The following PTBP3 variants were observed in gnomAD, a reference collection of about 807,000 sequenced individuals.
The protein encoded by PTBP3 is polypyrimidine tract-binding protein 3.
PTBP3 carries 20 observed loss-of-function variants against 58.7 expected under a neutral mutation model. The observed-to-expected ratio is 0.34, with a 90% CI of 0.24 to 0.50. The LOEUF is 0.50. PTBP3 is among the 20% of genes least tolerant of loss of function. The pLI, the probability that PTBP3 is intolerant of heterozygous loss-of-function variation, is 0.98. For missense variants in PTBP3, 509 were observed against 637.2 expected (o/e 0.80, Z 2.17); for synonymous variants, 185 against 219.8 (o/e 0.84, Z 1.40).
the PTBP3 span, among the ~76,000 whole-genome samples, chr9:112,360,396 G>A: frequency 6.6e-6 from 1 of 152,074 alleles, no homozygotes; most frequent in Non-Finnish European, 1.5e-5. Context: ...CTGTTGCCCA[G>A]GCTGGTCTCA....
upstream of PTBP3, among the ~76,000 whole-genome samples, chr9:112,334,476 TATATA>T (rs1337042406): frequency 2.6e-5 from 4 of 152,292 alleles, no homozygotes; most frequent in South Asian, 2.1e-4. Flanking sequence ...AAAAAGTATA[TATATA>T]ATATAACGAG....
Position 112,220,392 on chromosome 9 carries a change from A to G in PTBP3, c.*3459T>C. ...GAGACCCCTAAAAATAAAATAAAGTAAAATAAAAAGAAATTGAGCAGAGGC... is the reference window on the plus strand; with the variant it reads ...GAGACCCCTAAAAATAAAATAAAGTGAAATAAAAAGAAATTGAGCAGAGGC... On this transcript the variant is annotated 3_prime_UTR_variant, in exon 14 of 14. Coordinates refer to ENST00000374257, the MANE Select transcript of PTBP3 (RefSeq NM_001163788.4). 3 of 1,223,416 alleles carry G rather than the reference A, an allele frequency of 2.5e-6. No individual in the cohort carries two copies. In the South Asian group the frequency reaches 4.3e-5, roughly 18 times the overall value. The allele number at this position is 1,223,416 out of a possible 1,614,324, so 75.8% of individuals were successfully genotyped here. A position where few individuals can be genotyped will look rare whatever the true frequency, so the allele number is the denominator to read the frequency against.
intron 12 of PTBP3, among the ~76,000 whole-genome samples, chr9:112,225,479 G>A (rs951738475): frequency 6.6e-6 from 1 of 152,158 alleles, no homozygotes; most frequent in African/African-American, 2.4e-5. Context: ...TTCTACAGAT[G>A]GACAGAGGTG....
At position 112,280,761 on chromosome 9, in the gene PTBP3, GTGTGTA is replaced by G. The variant is rs796125018; in HGVS notation, c.35-4754_35-4749del. ...TCACTCTTCATACGTGTGTGTCTGTGTGTGTATGTGTGTGTGTGTGTGTGCATATAT... is the reference window on the plus strand; with the variant it reads ...TCACTCTTCATACGTGTGTGTCTGTGTGTGTGTGTGTGTGTGTGCATATAT... On this transcript the variant is annotated intron_variant, in intron 2 of 13. Transcript: ENST00000374257. Among the ~76,000 whole-genome samples the G allele has an allele frequency of 2.3e-4, 10 of 44,120 alleles. No homozygotes were observed. In the East Asian group the frequency reaches 4.1e-3, roughly 18 times the overall value. 28.9% of individuals were successfully genotyped at this position (44,120 alleles called of 152,430 possible).
At chr9:112,332,135 T>C (rs1205246444) in intron 1 of PTBP3, among the ~76,000 whole-genome samples, 1 of 151,472 alleles carries the variant, frequency 6.6e-6, no homozygotes, top group Non-Finnish European at 1.5e-5. Context: ...CAGCTTCAAT[T>C]CCCCCCCAAA....
upstream of PTBP3, chr9:112,333,640 G>A (rs1488804435): frequency 2.8e-6 from 2 of 712,106 alleles, no homozygotes; most frequent in East Asian, 3.4e-5. Flanking sequence ...GCGGGGACCG[G>A]GCACGCTCCC....
At chr9:112,330,707 T>G (rs1360311982) in intron 1 of PTBP3, among the ~76,000 whole-genome samples, 1 of 152,190 alleles carries the variant, frequency 6.6e-6, no homozygotes, top group Non-Finnish European at 1.5e-5. Context: ...CCTGTTATCT[T>G]TTAGTATTTA....
At chr9:112,266,967 C>T (rs1321755989) in intron 4 of PTBP3, among the ~76,000 whole-genome samples, 4 of 152,198 alleles carry the variant, frequency 2.6e-5, no homozygotes, top group Non-Finnish European at 4.4e-5. Context: ...TTATTACATG[C>T]CATTAATATT....
At chr9:112,228,207 GATGA>G (rs1163805809) in intron 11 of PTBP3, among the ~76,000 whole-genome samples, 169 bp downstream of exon 11, 1 of 152,158 alleles carries the variant, frequency 6.6e-6, no homozygotes, top group African/African-American at 2.4e-5. Context: ...TTAGAAGAGT[GATGA>G]ATATTTTTTA....
chr9:112,361,709 T>C, the PTBP3 span, among the ~76,000 whole-genome samples: 1 of 152,252 alleles, frequency 6.6e-6, no homozygotes, highest in Non-Finnish European at 1.5e-5. Flanking sequence ...GTGGTGACTC[T>C]AAACATGTTT....
chr9:112,376,357 G>A, the PTBP3 span, among the ~76,000 whole-genome samples: 3 of 147,060 alleles, frequency 2.0e-5, no homozygotes, highest in Admixed American at 6.9e-5. Context: ...AGGTTCAAGC[G>A]ATTCTCCTGC....
intron 3 of PTBP3, among the ~76,000 whole-genome samples, chr9:112,270,676 C>G (rs552563892): frequency 1.8e-4 from 28 of 152,328 alleles, no homozygotes; most frequent in African/African-American, 4.8e-4. Flanking sequence ...TCCACACCCT[C>G]TCTCTATCCT....
Position 112,222,028 on chromosome 9 carries a change from C to T in PTBP3, c.*1823G>A. ...TCCTGGGCTCAAGTGATCCTCCTGC[C>T]TGTAGCCTCCTGCCTACAGGCTCAG... On this transcript the variant is annotated 3_prime_UTR_variant, in exon 14 of 14. Transcript: ENST00000374257. 7 of 941,902 alleles carry T rather than the reference C, an allele frequency of 7.4e-6. No homozygotes were observed. The highest frequency in any genetic ancestry group is 8.9e-6 in the Non-Finnish European group (7 of 789,998). The allele number at this position is 941,902 out of a possible 1,614,324, so 58.3% of individuals were successfully genotyped here.
At chr9:112,334,970 A>G (rs1028509751), upstream of PTBP3, among the ~76,000 whole-genome samples, 3 of 152,210 alleles carry the variant, frequency 2.0e-5, no homozygotes, top group Non-Finnish European at 4.4e-5. Flanking sequence ...TGTATATTAA[A>G]TCTAAATATT....
At chr9:112,300,470 C>T (rs939029345) in intron 1 of PTBP3, among the ~76,000 whole-genome samples, 2 of 152,194 alleles carry the variant, frequency 1.3e-5, no homozygotes, top group African/African-American at 2.4e-5. Flanking sequence ...ACGTCAGTCA[C>T]GGCCGGGCGT....
At chr9:112,305,889 G>A (rs977792748) in intron 1 of PTBP3, among the ~76,000 whole-genome samples, 3 of 152,112 alleles carry the variant, frequency 2.0e-5, no homozygotes, top group African/African-American at 4.8e-5. Flanking sequence ...GCAGTGAGCC[G>A]AGACCGCGCC....
intron 1 of PTBP3, among the ~76,000 whole-genome samples, chr9:112,304,031 G>C (rs191822207): frequency 6.6e-6 from 1 of 151,818 alleles, no homozygotes; most frequent in Non-Finnish European, 1.5e-5. Context: ...GCCAGGTATG[G>C]TGGTGCATGC....
intron 1 of PTBP3, among the ~76,000 whole-genome samples, chr9:112,320,314 A>ATATATATATATATATATATATATATATT: frequency 9.2e-5 from 7 of 75,694 alleles, no homozygotes; most frequent in East Asian, 3.1e-4. Flanking sequence ...ATATATATAT[A>ATATATATATATATATATATATATATATT]TTTTTTTTTA....
chr9:112,227,792 T>TA (rs1835050482), intron 11 of PTBP3, among the ~76,000 whole-genome samples, 165 bp from the exon 12 acceptor site: 1 of 152,138 alleles, frequency 6.6e-6, no homozygotes, highest in Non-Finnish European at 1.5e-5. Context: ...GGAAATATAT[T>TA]AAATGACTTC....
Sources: allele counts gnomAD v4.1 joint callset (sites outside exome capture counted in the v4.1 genomes callset), GRCh38; gene constraint gnomAD v4.1.1; transcripts MANE v1.5; gene names NCBI Gene and HGNC (gene_info 2026-07-23, HGNC 2026-07-21).